Variants in SRGAP2 observed in about 807,000 individuals in gnomAD.
The protein encoded by SRGAP2 is SLIT-ROBO Rho GTPase-activating protein 2.
SRGAP2 carries 15 observed loss-of-function variants against 57.2 expected under a neutral mutation model. The observed-to-expected ratio is 0.26, with a 90% CI of 0.18 to 0.40. The LOEUF (loss-of-function observed/expected upper bound fraction) is 0.40, where lower values mean the gene tolerates loss of function less well. Ranked by LOEUF, SRGAP2 falls within the 10% of genes least tolerant of loss-of-function variation. SRGAP2 has a pLI of 1.00. For synonymous variants in SRGAP2, 249 were observed against 248.0 expected (o/e 1.00, Z -0.04); for missense variants, 520 against 669.6 (o/e 0.78, Z 2.47).
intron 14 of SRGAP2, among the ~76,000 whole-genome samples, chr1:206,435,454 C>G (rs1553369701): frequency 2.0e-5 from 3 of 152,212 alleles, no homozygotes; most frequent in African/African-American, 7.2e-5. Context: ...GGTCCTGATG[C>G]AATCAGAGAT....
At position 206,461,592 on chromosome 1, in the gene SRGAP2, C is replaced by A; in HGVS notation, c.*172C>A. 1.6e-6 allele frequency: 1 copy of A among 610,340 alleles called. No homozygotes were observed. Among genetic ancestry groups the A allele is most frequent in the East Asian group, 2.7e-5 (1 of 37,386 alleles). The allele number at this position is 610,340 out of a possible 1,614,324, so 37.8% of individuals were successfully genotyped here. On this transcript the variant is annotated 3_prime_UTR_variant, in exon 23 of 23. Transcript: ENST00000573034. ...CTTGAGAATGAAGCCCTTGGTATCG[C>A]CTCTCCCTTCCCACTGCCCTCTGCT... is the stretch of plus-strand genomic sequence containing the variant.
At chr1:206,392,188 A>G (rs1472077392) in intron 5 of SRGAP2, among the ~76,000 whole-genome samples, 2 of 150,234 alleles carry the variant, frequency 1.3e-5, no homozygotes, top group Non-Finnish European at 1.5e-5. Context: ...AGGCCGGTAA[A>G]AGGAGCTTTT....
intron 2 of SRGAP2, among the ~76,000 whole-genome samples, chr1:206,224,137 G>GT (rs1354434081): frequency 1.4e-5 from 2 of 147,740 alleles, no homozygotes; most frequent in Non-Finnish European, 3.0e-5. Flanking sequence ...ATTTTGGATC[G>GT]TTTTTTGAGA....
At chr1:206,350,844 GA>G (rs1675990055) in intron 4 of SRGAP2, among the ~76,000 whole-genome samples, 1 of 151,182 alleles carries the variant, frequency 6.6e-6, no homozygotes, top group Admixed American at 6.6e-5. Flanking sequence ...AGGAAGTGGG[GA>G]ATGCAAGAAG....
Position 206,463,046 on chromosome 1 carries a change from C to T in SRGAP2, c.*1626C>T, listed in dbSNP as rs1360223648. On this transcript the variant is annotated 3_prime_UTR_variant, in exon 23 of 23. Coordinates refer to ENST00000573034, the MANE Select transcript of SRGAP2 (RefSeq NM_015326.5). ...TAGTTCCGGAGAGATGGTGGGTTGC[C>T]ATTCTGGTAGGAAAATCTGAGTTTT... 2 of 152,160 alleles carry T rather than the reference C, an allele frequency of 1.3e-5. No homozygotes were observed. The highest frequency in any genetic ancestry group is 4.8e-5 in the African/African-American group (2 of 41,412). The allele number at this position is 152,160 out of a possible 1,614,324, so 9.4% of individuals were successfully genotyped here.
chr1:206,224,458 G>T (rs1440212259), intron 2 of SRGAP2, among the ~76,000 whole-genome samples: 1 of 142,328 alleles, frequency 7.0e-6, no homozygotes, highest in Non-Finnish European at 1.5e-5. Context: ...AATGACATCA[G>T]CCAGCAGATG....
At chr1:206,421,776 G>GC (rs1490823787) in intron 13 of SRGAP2, among the ~76,000 whole-genome samples, 1 of 152,186 alleles carries the variant, frequency 6.6e-6, no homozygotes, top group Non-Finnish European at 1.5e-5. Flanking sequence ...ATAGGCAAGG[G>GC]CCGTTCAACT....
chr1:206,395,703 CA>C (rs1553353111), intron 7 of SRGAP2, among the ~76,000 whole-genome samples: 1 of 151,084 alleles, frequency 6.6e-6, no homozygotes, highest in East Asian at 1.9e-4. Flanking sequence ...ATACTGATCT[CA>C]GGGGAAGGGA....
At chr1:206,447,044 C>G (rs1662815327) in intron 18 of SRGAP2, among the ~76,000 whole-genome samples, 1 of 152,126 alleles carries the variant, frequency 6.6e-6, no homozygotes, top group African/African-American at 2.4e-5. Context: ...GAATTTAACC[C>G]CAATCTCATC....
At chr1:206,285,370 C>A (rs1457346423) in intron 2 of SRGAP2, among the ~76,000 whole-genome samples, 2 of 152,160 alleles carry the variant, frequency 1.3e-5, no homozygotes, top group Non-Finnish European at 2.9e-5. Context: ...TCACATTGAG[C>A]CTCAGTTATC....
At chr1:206,353,054 G>A in intron 4 of SRGAP2, among the ~76,000 whole-genome samples, 1 of 151,932 alleles carries the variant, frequency 6.6e-6, no homozygotes. Context: ...ATTATCATAA[G>A]AGTGTAAGCG....
chr1:206,342,290 T>A (rs142516021), intron 3 of SRGAP2, among the ~76,000 whole-genome samples: 4 of 152,340 alleles, frequency 2.6e-5, no homozygotes, highest in Non-Finnish European at 5.9e-5. Context: ...AGACAAAATC[T>A]CTAACTTTGG....
chr1:206,363,136 T>C (rs1677031947), intron 4 of SRGAP2, among the ~76,000 whole-genome samples: 1 of 152,038 alleles, frequency 6.6e-6, no homozygotes, highest in East Asian at 1.9e-4. Context: ...TGAAAAGCGT[T>C]CCGGAACTAC....
rs931512666 is a variant in SRGAP2 at position 206,454,816 on chromosome 1, C to T, written c.2361-62C>T. 15 of 702,754 alleles carry T rather than the reference C, an allele frequency of 2.1e-5. No individual in the cohort carries two copies. The highest frequency in any genetic ancestry group is 7.0e-5 in the African/African-American group (4 of 56,932). 43.5% of individuals were successfully genotyped at this position (702,754 alleles called of 1,614,324 possible). On this transcript the variant is annotated intron_variant, in intron 20 of 22. Transcript: ENST00000573034. This position sits in a 1 kb window ranked among gnomAD's most constrained non-coding sequence, Gnocchi z 4.3. ...TCGGGGGGCCATCTTGCCGATTTAA[C>T]GCTGCTTTTTGTGTTGTTGTTGTTT...
chr1:206,307,708 C>T (rs1204304630), intron 3 of SRGAP2, among the ~76,000 whole-genome samples: 1 of 152,354 alleles, frequency 6.6e-6, no homozygotes, highest in East Asian at 1.9e-4. Flanking sequence ...GCTAAGTCCC[C>T]CATTGCCCGG....
chr1:206,342,242 T>A (rs1275964896), intron 3 of SRGAP2, among the ~76,000 whole-genome samples: 3 of 152,280 alleles, frequency 2.0e-5, no homozygotes, highest in African/African-American at 7.2e-5. Context: ...TGGATACATT[T>A]GTGGGGATTT....
At chr1:206,249,046 TCCTACTA>T (rs1668673116) in intron 2 of SRGAP2, among the ~76,000 whole-genome samples, 1 of 152,278 alleles carries the variant, frequency 6.6e-6, no homozygotes. Flanking sequence ...TCACTGTGTT[TCCTACTA>T]CTCTCCTGCT....
At chr1:206,437,845 G>A in intron 15 of SRGAP2, 119 bp from the exon 16 acceptor site, 3 of 709,740 alleles carry the variant, frequency 4.2e-6, no homozygotes, top group Non-Finnish European at 5.2e-6. Context: ...CACCATGCCG[G>A]GCAGAAAGCT....
chr1:206,247,017 T>C (rs1379370792), intron 2 of SRGAP2, among the ~76,000 whole-genome samples: 2 of 143,460 alleles, frequency 1.4e-5, no homozygotes, highest in Admixed American at 1.4e-4. Context: ...TTGTTATTTA[T>C]TGAGCAGAAC....
Sources: gnomAD v4.1 joint callset for allele counts (sites outside exome capture counted in the v4.1 genomes callset) on GRCh38, gnomAD v4.1.1 for gene constraint, Gnocchi (gnomAD v3.1) non-coding constraint, MANE v1.5 for transcripts, NCBI Gene and HGNC (gene_info 2026-07-23, HGNC 2026-07-21) for gene names.